Variants in FOXP2 observed in about 807,000 individuals in gnomAD.
FOXP2 encodes forkhead box protein P2.
Under a neutral mutation model 115.8 loss-of-function variants are expected in FOXP2, and 12 were observed. The observed-to-expected ratio is 0.10, with a 90% CI of 0.07 to 0.17. The LOEUF is 0.17. Ranked by LOEUF, FOXP2 falls within the 10% of genes least tolerant of loss-of-function variation. The pLI is 1.00. For missense variants in FOXP2, 629 were observed against 843.5 expected (o/e 0.75, Z 3.15); for synonymous variants, 328 against 297.7 (o/e 1.10, Z -1.05).
At chr7:114,226,247 A>T (rs554357611) in intron 1 of FOXP2, among the ~76,000 whole-genome samples, 1 of 152,174 alleles carries the variant, frequency 6.6e-6, no homozygotes, top group African/African-American at 2.4e-5. Context: ...GTTATGAAAC[A>T]TTCTTGTGTA....
chr7:114,417,484 A>G (rs997984329), intron 1 of FOXP2, among the ~76,000 whole-genome samples: 1 of 151,972 alleles, frequency 6.6e-6, no homozygotes, highest in African/African-American at 2.4e-5. Context: ...TTGAAATGCT[A>G]ATTATGATGT....
intron 1 of FOXP2, among the ~76,000 whole-genome samples, chr7:114,270,848 A>G (rs1439523588): frequency 6.6e-6 from 1 of 152,044 alleles, no homozygotes; most frequent in Non-Finnish European, 1.5e-5. Flanking sequence ...TATTTATTTC[A>G]TGGATCATGC....
At chr7:114,602,972 A>T (rs1176291444) in intron 3 of FOXP2, among the ~76,000 whole-genome samples, 1 of 152,190 alleles carries the variant, frequency 6.6e-6, no homozygotes, top group African/African-American at 2.4e-5. Context: ...CCCTAAAAAT[A>T]ACACAAAAAC....
At chr7:114,178,132 T>C (rs1230825758) in intron 1 of FOXP2, among the ~76,000 whole-genome samples, 1 of 151,872 alleles carries the variant, frequency 6.6e-6, no homozygotes, top group East Asian at 1.9e-4. Flanking sequence ...TTGTAGGAAA[T>C]GTAGTAGGGA....
At chr7:114,438,867 G>GCTAC (rs748542204) in intron 2 of FOXP2, among the ~76,000 whole-genome samples, 2 of 152,072 alleles carry the variant, frequency 1.3e-5, no homozygotes, top group Non-Finnish European at 2.9e-5. Context: ...CTAGTCAGTT[G>GCTAC]CTACCCAATG....
At chr7:114,386,710 G>A (rs1792464422) in intron 2 of FOXP2, among the ~76,000 whole-genome samples, 1 of 152,198 alleles carries the variant, frequency 6.6e-6, no homozygotes, top group African/African-American at 2.4e-5. Flanking sequence ...ATAGAGACAA[G>A]AGGGAAAAGG....
chr7:114,357,682 A>G (rs1791648550), intron 2 of FOXP2, among the ~76,000 whole-genome samples: 1 of 152,176 alleles, frequency 6.6e-6, no homozygotes, highest in African/African-American at 2.4e-5. Flanking sequence ...ACTAGGATGT[A>G]TGGTATCCTA....
intron 2 of FOXP2, among the ~76,000 whole-genome samples, chr7:114,446,005 A>C (rs1446203401): frequency 6.6e-6 from 1 of 151,744 alleles, no homozygotes; most frequent in African/African-American, 2.4e-5. Context: ...GACTCATATA[A>C]TATACTGAAT....
intron 3 of FOXP2, among the ~76,000 whole-genome samples, chr7:114,596,748 G>T (rs1481059122): frequency 6.6e-6 from 1 of 152,074 alleles, no homozygotes; most frequent in Non-Finnish European, 1.5e-5. Flanking sequence ...ATTTGGAAGA[G>T]TGTTACTTAT....
At chr7:114,218,617 G>A (rs1212524295) in intron 1 of FOXP2, among the ~76,000 whole-genome samples, 3 of 152,160 alleles carry the variant, frequency 2.0e-5, no homozygotes, top group Admixed American at 6.5e-5. Flanking sequence ...AAATGAAATT[G>A]ATATGAGAAA....
intron 1 of FOXP2, among the ~76,000 whole-genome samples, chr7:114,140,873 G>A (rs1212367419): frequency 6.6e-6 from 1 of 152,194 alleles, no homozygotes; most frequent in Non-Finnish European, 1.5e-5. Context: ...TCAGCATTTT[G>A]TTCTGTGATA....
At chr7:114,401,018 A>G (rs763174504) in intron 2 of FOXP2, among the ~76,000 whole-genome samples, 4 of 152,124 alleles carry the variant, frequency 2.6e-5, no homozygotes, top group Admixed American at 6.5e-5. Context: ...AACTTACCTA[A>G]CAGGATTCTT....
At chr7:114,350,879 G>T (rs1791469981) in intron 2 of FOXP2, among the ~76,000 whole-genome samples, 1 of 152,036 alleles carries the variant, frequency 6.6e-6, no homozygotes, top group Admixed American at 6.6e-5. Flanking sequence ...AAAATCCAGG[G>T]ATGCTTAAGT....
chr7:114,581,648 G>C (rs566873164), intron 3 of FOXP2, among the ~76,000 whole-genome samples: 1 of 152,088 alleles, frequency 6.6e-6, no homozygotes, highest in South Asian at 2.1e-4. Flanking sequence ...TTACATTAGG[G>C]TTCACTCTTG....
At chr7:114,222,928 C>T (rs1794659767) in intron 1 of FOXP2, among the ~76,000 whole-genome samples, 1 of 152,112 alleles carries the variant, frequency 6.6e-6, no homozygotes, top group South Asian at 2.1e-4. Flanking sequence ...TTTAACTTTG[C>T]CAATACAATG....
chr7:114,380,347 G>T (rs1040151452), intron 2 of FOXP2, among the ~76,000 whole-genome samples: 1 of 152,150 alleles, frequency 6.6e-6, no homozygotes, highest in Non-Finnish European at 1.5e-5. Flanking sequence ...TCTAGTGCCC[G>T]AGTGAGGGCT....
chr7:114,287,378 T>C lies in FOXP2; in HGVS notation c.-101-641T>C, dbSNP rs367881351. On this transcript the variant is annotated intron_variant, in intron 1 of 17. Coordinates refer to the FOXP2 transcript ENST00000634411. Reference sequence around the variant, plus strand: ...GACTGAGCTATATAGTACTAAGTTCTATAATTTTAGTGGACCTTCAATACA... The same window carrying C: ...GACTGAGCTATATAGTACTAAGTTCCATAATTTTAGTGGACCTTCAATACA... Among the ~76,000 whole-genome samples the C allele has an allele frequency of 2.6e-5, 4 of 152,066 alleles. No individual in the cohort carries two copies. In the East Asian group the frequency reaches 7.7e-4, roughly 29 times the overall value.
At chr7:114,413,295 G>T (rs1793211545), upstream of FOXP2, among the ~76,000 whole-genome samples, 1 of 152,052 alleles carries the variant, frequency 6.6e-6, no homozygotes, top group South Asian at 2.1e-4. Flanking sequence ...GAACAAAGCA[G>T]ACTTAAAAAA....
chr7:114,246,651 G>A (rs1795292333), intron 1 of FOXP2, among the ~76,000 whole-genome samples: 1 of 151,996 alleles, frequency 6.6e-6, no homozygotes, highest in Non-Finnish European at 1.5e-5. Flanking sequence ...CATTTACAGT[G>A]TAGTTCTAAT....
Sources: allele counts gnomAD v4.1 joint callset (sites outside exome capture counted in the v4.1 genomes callset), GRCh38; gene constraint gnomAD v4.1.1; transcripts MANE v1.5; gene names NCBI Gene and HGNC (gene_info 2026-07-23, HGNC 2026-07-21).